CD109: variants seen among roughly 807,000 people sequenced by gnomAD.
CD109 encodes CD109 molecule.
CD109 carries 149 observed loss-of-function variants against 165.8 expected under a neutral mutation model. The ratio of observed to expected loss-of-function variants is 0.90; its 90% confidence interval spans 0.79 to 1.03. The LOEUF (loss-of-function observed/expected upper bound fraction) is 1.03, where lower values mean the gene tolerates loss of function less well. Among genes scored for constraint, CD109 ranks in the 50% least tolerant of loss-of-function variants. The pLI is 0.00. For synonymous variants in CD109, 585 were observed against 592.1 expected (o/e 0.99, Z 0.18); for missense variants, 1,712 against 1,677.8 (o/e 1.02, Z -0.36).
Position 73,820,491 on chromosome 6 carries a change from C to A in CD109, c.4090C>A (p.Pro1364Thr). The change falls in exon 32 of 33, where the codon CCT becomes ACT. Residue 1364 changes from proline (P) to threonine (T), a missense_variant. Coordinates refer to ENST00000287097, the MANE Select transcript of CD109 (RefSeq NM_133493.5). ...VNETQFCVNI[P>T]AVRNFKVSNT... ...TGAAACCCAGTTTTGTGTTAATATT[C>A]CTGCTGTGAGAAACTTTAAAGTTTC... 4 of 1,611,460 alleles carry A rather than the reference C, an allele frequency of 2.5e-6. No homozygotes were observed. Among genetic ancestry groups the A allele is most frequent in the Non-Finnish European group, 3.4e-6 (4 of 1,178,290 alleles).
At chr6:73,806,789 A>G in intron 24 of CD109, 55 bp from the exon 25 acceptor site, 1 of 1,298,350 alleles carries the variant, frequency 7.7e-7, no homozygotes, top group South Asian at 1.3e-5. Context: ...GCTCGGTGTT[A>G]TTTGGTGGAC....
At chr6:73,736,134 C>G (rs1772533592) in intron 4 of CD109, among the ~76,000 whole-genome samples, 1 of 152,146 alleles carries the variant, frequency 6.6e-6, no homozygotes, top group African/African-American at 2.4e-5. Flanking sequence ...TTCATCCAAG[C>G]CATTCCAGCA....
chr6:73,720,776 C>T (rs903616639), intron 2 of CD109, among the ~76,000 whole-genome samples: 3 of 152,140 alleles, frequency 2.0e-5, no homozygotes, highest in South Asian at 4.1e-4. Context: ...GGAATAACAG[C>T]GTCAACTGGG....
intron 5 of CD109, 104 bp downstream of exon 5, chr6:73,736,612 A>G: frequency 1.0e-6 from 1 of 952,554 alleles, no homozygotes; most frequent in Non-Finnish European, 1.5e-6. Flanking sequence ...AAAAAAATTA[A>G]TGTGAACATT....
At chr6:73,690,425 G>C in the CD109 span, among the ~76,000 whole-genome samples, 1 of 152,112 alleles carries the variant, frequency 6.6e-6, no homozygotes, top group African/African-American at 2.4e-5. Flanking sequence ...TTTTGAGACG[G>C]AGTTTCGCTC....
intron 32 of CD109, among the ~76,000 whole-genome samples, chr6:73,822,863 T>A (rs994203245): frequency 6.6e-6 from 1 of 152,222 alleles, no homozygotes; most frequent in African/African-American, 2.4e-5. Context: ...ATATGTTTTT[T>A]AAAAATTATA....
At position 73,780,468 on chromosome 6, in the gene CD109, C is replaced by T. The variant is rs1774443272; in HGVS notation, c.1872C>T (p.Gly624=). The T allele has an allele frequency of 6.2e-7, 1 of 1,608,776 alleles. No individual in the cohort carries two copies. The highest frequency in any genetic ancestry group is 8.5e-7 in the Non-Finnish European group (1 of 1,176,068). The change falls in exon 16 of 33, where the codon GGC becomes GGT. Residue 624 remains glycine, a synonymous_variant. Transcript: ENST00000287097. The part of the protein sequence containing the change: ...LELYNTGYYL[G]MFMNSFAVFQ... ...TTTATAACACAGGATATTATTTAGG[C>T]ATGTTCATGAATTCTTTTGCAGTCT...
chr6:73,736,460 A>AT lies in CD109; in HGVS notation c.586dup (p.Ser196PhefsTer8). The AT allele has an allele frequency of 6.2e-7, 1 of 1,613,886 alleles. No individual in the cohort carries two copies. Among genetic ancestry groups the AT allele is most frequent in the Non-Finnish European group, 8.5e-7 (1 of 1,179,846 alleles). On this transcript the variant is annotated frameshift_variant, in exon 5 of 33. Coordinates refer to ENST00000287097, the MANE Select transcript of CD109 (RefSeq NM_133493.5). LOFTEE classifies it high-confidence loss of function. ...GAGTCATTTCCAAAACTTTTCAGCT[A>AT]TCTTCCCATCCAATACTTGGTGACT... is the stretch of plus-strand genomic sequence containing the variant.
At chr6:73,783,908 AC>A in intron 19 of CD109, 84 bp downstream of exon 19, 1 of 710,932 alleles carries the variant, frequency 1.4e-6, no homozygotes, top group South Asian at 1.8e-5. Context: ...TTTTTAAATG[AC>A]TGCTTATAAT....
intron 15 of CD109, among the ~76,000 whole-genome samples, chr6:73,775,918 T>C (rs1025524842): frequency 1.3e-5 from 2 of 152,242 alleles, no homozygotes; most frequent in African/African-American, 2.4e-5. Context: ...CAGTCTATCA[T>C]TGACGGACAT....
At chr6:73,751,596 CTT>C (rs1773190894) in intron 5 of CD109, among the ~76,000 whole-genome samples, 1 of 152,222 alleles carries the variant, frequency 6.6e-6, no homozygotes, top group Admixed American at 6.5e-5. Flanking sequence ...ATAGCACACT[CTT>C]AGCTCCACTG....
intron 2 of CD109, among the ~76,000 whole-genome samples, chr6:73,718,653 C>A (rs1031481330): frequency 2.6e-5 from 4 of 151,752 alleles, no homozygotes. Flanking sequence ...GGGTCAGAAG[C>A]TTGGCCCCAC....
intron 29 of CD109, among the ~76,000 whole-genome samples, chr6:73,813,970 T>C (rs780093281): frequency 1.9e-4 from 29 of 152,116 alleles, no homozygotes; most frequent in Non-Finnish European, 3.8e-4. Flanking sequence ...ATTTAATCAT[T>C]ATACTTTAAG....
At chr6:73,771,833 C>T (rs1323943638) in intron 15 of CD109, among the ~76,000 whole-genome samples, 1 of 152,134 alleles carries the variant, frequency 6.6e-6, no homozygotes, top group Non-Finnish European at 1.5e-5. Context: ...GGAATAAATT[C>T]TGGAGGTCTG....
At chr6:73,695,088 A>G (rs1428266618), upstream of CD109, 1 of 152,216 alleles carries the variant, frequency 6.6e-6, no homozygotes, top group Non-Finnish European at 1.5e-5. Context: ...CTTTGTCATG[A>G]GACATCTTTT....
At chr6:73,761,072 A>ACACACAC (rs1562051579) in intron 7 of CD109, among the ~76,000 whole-genome samples, 9 of 121,978 alleles carry the variant, frequency 7.4e-5, no homozygotes, top group African/African-American at 2.7e-4. Flanking sequence ...CACACACACA[A>ACACACAC]ACCCAGAAAC....
the CD109 span, among the ~76,000 whole-genome samples, chr6:73,690,689 C>A: frequency 6.6e-6 from 1 of 152,272 alleles, no homozygotes; most frequent in Non-Finnish European, 1.5e-5. Context: ...CGTGAGCCAC[C>A]GTGCCCGGCT....
At chr6:73,725,599 C>T (rs1772110510) in intron 3 of CD109, among the ~76,000 whole-genome samples, 1 of 149,724 alleles carries the variant, frequency 6.7e-6, no homozygotes, top group African/African-American at 2.5e-5. Flanking sequence ...ACCTCCGTTT[C>T]CCGGATTCAA....
At chr6:73,737,252 G>A (rs1456389125) in intron 5 of CD109, among the ~76,000 whole-genome samples, 6 of 152,172 alleles carry the variant, frequency 3.9e-5, no homozygotes, top group East Asian at 3.8e-4. Context: ...GGGAAGATAT[G>A]TAATATGAAA....
Sources: gnomAD v4.1 joint callset for allele counts (sites outside exome capture counted in the v4.1 genomes callset) on GRCh38, gnomAD v4.1.1 for gene constraint, MANE v1.5 for transcripts, NCBI Gene and HGNC (gene_info 2026-07-23, HGNC 2026-07-21) for gene names.